Variants in APOL3 observed in about 807,000 individuals in gnomAD.
The protein encoded by APOL3 is TNF-inducible protein CG12-1.
Under a neutral mutation model 11.6 loss-of-function variants are expected in APOL3, and 14 were observed. The ratio of observed to expected loss-of-function variants is 1.21; its 90% CI spans 0.80 to 1.89. APOL3 has a LOEUF of 1.89. Among genes scored for constraint, APOL3 ranks in the 40% most tolerant of loss-of-function variants. The pLI is 0.00. For missense variants in APOL3, 483 were observed against 492.1 expected, an observed-to-expected ratio of 0.98 and a Z score of 0.17; for synonymous variants, 192 against 190.6, an observed-to-expected ratio of 1.01 and a Z score of -0.06.
chr22:36,157,940 C>T (rs1737561211), intron 1 of APOL3, among the ~76,000 whole-genome samples: 1 of 152,098 alleles, frequency 6.6e-6, no homozygotes, highest in Admixed American at 6.6e-5. Context: ...GTCCTAGCTA[C>T]TTGGGAGGCT....
intron 1 of APOL3, among the ~76,000 whole-genome samples, chr22:36,145,980 T>TTCTCTCTCTCTCTATC (rs2060192493): frequency 8.4e-6 from 1 of 118,710 alleles, no homozygotes; most frequent in Admixed American, 9.9e-5. Context: ...CTGTCTCTCT[T>TTCTCTCTCTCTCTATC]TCTCTCTCTC....
At chr22:36,158,610 G>C (rs2013287436) in intron 1 of APOL3, among the ~76,000 whole-genome samples, 1 of 152,160 alleles carries the variant, frequency 6.6e-6, no homozygotes, top group African/African-American at 2.4e-5. Flanking sequence ...ACAAGGTCAG[G>C]AGATCGAGAA....
intron 1 of APOL3, chr22:36,157,134 G>A (rs966336177): frequency 1.2e-5 from 5 of 407,840 alleles, no homozygotes; most frequent in African/African-American, 6.3e-5. Flanking sequence ...TGTACGAGGA[G>A]AAAGAAAAAA....
chr22:36,163,385 T>C (rs572593428), upstream of APOL3, among the ~76,000 whole-genome samples: 59 of 152,282 alleles, frequency 3.9e-4, no homozygotes, highest in South Asian at 0.012. Context: ...CCCCAAATCG[T>C]CCTCGCCCAC....
intron 1 of APOL3, among the ~76,000 whole-genome samples, chr22:36,148,450 ATAT>A (rs1280663239): frequency 6.6e-6 from 1 of 152,238 alleles, no homozygotes; most frequent in East Asian, 1.9e-4. Context: ...ACATGGGGAA[ATAT>A]TATACTCGCA....
At chr22:36,144,036 A>G (rs1004282021) in intron 2 of APOL3, among the ~76,000 whole-genome samples, 2 of 152,108 alleles carry the variant, frequency 1.3e-5, no homozygotes, top group Non-Finnish European at 2.9e-5. Context: ...CCTCTACTCT[A>G]TGTAGAACAG....
chr22:36,141,121 T>C, exon 3 of APOL3: 1 of 1,540,464 alleles, frequency 6.5e-7, no homozygotes, highest in Non-Finnish European at 8.7e-7. Context: ...TTGCCCTCTT[T>C]ATCCCCCTAA....
At position 36,160,868 on chromosome 22, in the gene APOL3, GC is replaced by G; in HGVS notation, c.23del (p.Gly8AlafsTer10). ...AACATGCAAAACAGGATGCTTCCCA[GC>G]CCCACCCTTGGCCCAGTCCCATCCT... On this transcript the variant is annotated frameshift_variant, in exon 1 of 3. Coordinates refer to ENST00000349314, the Ensembl canonical transcript of APOL3. LOFTEE classifies it high-confidence loss of function. 6.2e-7 allele frequency: 1 copy of G among 1,614,016 alleles called. No homozygotes were observed. The highest frequency in any genetic ancestry group is 8.5e-7 in the Non-Finnish European group (1 of 1,179,988).
chr22:36,157,085 A>G (rs1482611511), intron 1 of APOL3: 2 of 453,166 alleles, frequency 4.4e-6, no homozygotes, highest in Non-Finnish European at 8.9e-6. Flanking sequence ...CTGAGTTTCC[A>G]TTTATTTTCT....
intron 1 of APOL3, among the ~76,000 whole-genome samples, chr22:36,160,101 T>G (rs1226235519): frequency 6.6e-6 from 1 of 152,168 alleles, no homozygotes; most frequent in Non-Finnish European, 1.5e-5. Flanking sequence ...CAGGCAGGTC[T>G]CGAACTCCTA....
chr22:36,145,018 AAAAAAAAG>A (rs1440396599), intron 2 of APOL3, among the ~76,000 whole-genome samples: 45 of 98,860 alleles, frequency 4.6e-4, no homozygotes, highest in Non-Finnish European at 8.1e-4. Flanking sequence ...TCAAAAAAAA[AAAAAAAAG>A]AAAAAAAAAG....
At chr22:36,141,343 G>C (rs373584208) in exon 3 of APOL3, 26 of 1,614,168 alleles carry the variant, frequency 1.6e-5, no homozygotes, top group Non-Finnish European at 2.2e-5. Flanking sequence ...TCGTATACAA[G>C]GTTGACCACA....
chr22:36,151,195 C>T (rs2060420807), intron 1 of APOL3, among the ~76,000 whole-genome samples: 1 of 152,160 alleles, frequency 6.6e-6, no homozygotes, highest in South Asian at 2.1e-4. Context: ...TCTTTGTATC[C>T]TGATGCCAAG....
chr22:36,141,824 G>A lies in APOL3; in HGVS notation c.585C>T (p.Gly195=), dbSNP rs748291509. ...CAAGGGACATGATGCCAGAGGCAGC[G>A]CCAGTGGAGCTGGACACCACATTGG... The change falls in exon 3 of 3, where the codon GGC becomes GGT. Residue 195 remains glycine, a synonymous_variant. Transcript: ENST00000349314. 3.9e-5 allele frequency: 63 copies of A among 1,614,208 alleles called. No homozygotes were observed. The Middle Eastern group carries it at 1.6e-3, about 42-fold the overall frequency.
chr22:36,140,340 G>A (rs1416295299), exon 3 of APOL3: 1 of 152,196 alleles, frequency 6.6e-6, no homozygotes, highest in African/African-American at 2.4e-5. Context: ...TGGTGAGTAG[G>A]TGAGTTTATT....
At chr22:36,147,151 T>C (rs1301004559) in intron 1 of APOL3, among the ~76,000 whole-genome samples, 1 of 152,238 alleles carries the variant, frequency 6.6e-6, no homozygotes, top group African/African-American at 2.4e-5. Flanking sequence ...CACTGTAGTA[T>C]ACCTGTGGGA....
At chr22:36,156,978 GTTTTTCCT>G (rs1215813376) in intron 1 of APOL3, 4 of 456,252 alleles carry the variant, frequency 8.8e-6, no homozygotes, top group Non-Finnish European at 1.8e-5. Context: ...GGGATTGAAT[GTTTTTCCT>G]TGCTATCTAG....
At chr22:36,149,826 A>G (rs1250919253) in intron 1 of APOL3, 2 of 456,186 alleles carry the variant, frequency 4.4e-6, no homozygotes, top group East Asian at 6.9e-5. Context: ...TCTATGCCCA[A>G]GTGTCTGTCT....
upstream of APOL3, among the ~76,000 whole-genome samples, chr22:36,163,329 G>C (rs760459823): frequency 2.3e-4 from 35 of 152,272 alleles, no homozygotes; most frequent in Non-Finnish European, 1.3e-4. Flanking sequence ...GTTTACAGCC[G>C]GGAACGAAGG....
Sources: allele counts gnomAD v4.1 joint callset (sites outside exome capture counted in the v4.1 genomes callset), GRCh38; gene constraint gnomAD v4.1.1; transcripts MANE v1.5; gene names NCBI Gene and HGNC (gene_info 2026-07-23, HGNC 2026-07-21).